TAMM41: variants seen among roughly 807,000 people sequenced by gnomAD.
TAMM41 encodes TAM41 mitochondrial translocator assembly and maintenance homolog.
A neutral mutation model predicts 44.1 loss-of-function variants in TAMM41; 36 were observed. That is an observed-to-expected ratio of 0.82 (90% CI 0.63 to 1.08). TAMM41 has a LOEUF of 1.08. TAMM41 is among the 50% of genes least tolerant of loss of function. The probability of loss-of-function intolerance (pLI) is 0.00; values close to 1 mark genes in which losing one functional copy is unlikely to be tolerated. For missense variants in TAMM41, 417 were observed against 404.3 expected, an observed-to-expected ratio of 1.03 and a Z score of -0.27; for synonymous variants, 164 against 153.1, an observed-to-expected ratio of 1.07 and a Z score of -0.53.
intron 2 of TAMM41, among the ~76,000 whole-genome samples, chr3:11,840,016 G>C (rs1286308093): frequency 6.6e-6 from 1 of 151,916 alleles, no homozygotes; most frequent in Non-Finnish European, 1.5e-5. Flanking sequence ...AATTGGTCCT[G>C]TTGCCCCTCC....
chr3:11,805,090 GC>G lies in TAMM41; in HGVS notation c.937+2742del, dbSNP rs1456660764. On this transcript the variant is annotated intron_variant, in intron 7 of 7. Coordinates refer to ENST00000455809, the MANE Select transcript of TAMM41 (RefSeq NM_001284401.2). ...ACAATCTTGGCTCACTGCAACTTCCGCCTCCCAGGTTCAAGCAATTCTCCTG... is the reference window on the plus strand; with the variant it reads ...ACAATCTTGGCTCACTGCAACTTCCGCTCCCAGGTTCAAGCAATTCTCCTG... Among the ~76,000 whole-genome samples the G allele has an allele frequency of 3.8e-5, 5 of 132,024 alleles. No individual in the cohort carries two copies. The East Asian group carries it at 1.2e-3, about 31-fold the overall frequency. The allele number at this position is 132,024 out of a possible 152,430, so 86.6% of individuals were successfully genotyped here. A position where few individuals can be genotyped will look rare whatever the true frequency, so the allele number is the denominator to read the frequency against.
chr3:11,788,160 G>C (rs539216379), downstream of TAMM41, among the ~76,000 whole-genome samples: 5 of 152,296 alleles, frequency 3.3e-5, no homozygotes, highest in East Asian at 1.9e-4. Context: ...AGTGACCCTG[G>C]TGTTCTGTGC....
At chr3:11,723,549 C>T in the TAMM41 span, among the ~76,000 whole-genome samples, 1 of 149,860 alleles carries the variant, frequency 6.7e-6, no homozygotes, top group Non-Finnish European at 1.5e-5. Flanking sequence ...CCACTACATT[C>T]CAGCCTGGGT....
chr3:11,826,886 G>A (rs1001119743), intron 4 of TAMM41: 2 of 152,140 alleles, frequency 1.3e-5, no homozygotes, highest in Non-Finnish European at 2.9e-5. Context: ...TTAAAGTATT[G>A]AGAGTAGTCC....
At chr3:11,829,048 G>A (rs895412892) in intron 4 of TAMM41, among the ~76,000 whole-genome samples, 3 of 152,036 alleles carry the variant, frequency 2.0e-5, no homozygotes, top group Admixed American at 6.6e-5. Context: ...TTGCAGCGAG[G>A]GTGAGTGGCC....
At chr3:11,782,373 C>A in the TAMM41 span, among the ~76,000 whole-genome samples, 1 of 151,914 alleles carries the variant, frequency 6.6e-6, no homozygotes, top group African/African-American at 2.4e-5. Context: ...TGGTGAAACC[C>A]CATCTCTACT....
intron 1 of TAMM41, 105 bp from the exon 2 acceptor site, chr3:11,844,316 GA>G: frequency 9.3e-7 from 1 of 1,071,468 alleles, no homozygotes; most frequent in Non-Finnish European, 1.3e-6. Context: ...TCAATAGTCA[GA>G]AGGCCTGGTG....
chr3:11,835,039 A>G (rs1252714618), intron 3 of TAMM41, among the ~76,000 whole-genome samples: 2 of 152,192 alleles, frequency 1.3e-5, no homozygotes, highest in African/African-American at 4.8e-5. Flanking sequence ...TTCTATTTCA[A>G]TTTGCAAGAT....
chr3:11,813,170 G>A (rs2078144209), intron 5 of TAMM41, among the ~76,000 whole-genome samples: 1 of 152,146 alleles, frequency 6.6e-6, no homozygotes, highest in Non-Finnish European at 1.5e-5. Context: ...CTGTCCTCTA[G>A]CCAGAGAATA....
At chr3:11,830,150 C>T (rs768677589) in intron 3 of TAMM41, among the ~76,000 whole-genome samples, 1 of 152,088 alleles carries the variant, frequency 6.6e-6, no homozygotes, top group Non-Finnish European at 1.5e-5. Flanking sequence ...GAGCAAAAGT[C>T]CTTTGGAAAC....
intron 4 of TAMM41, among the ~76,000 whole-genome samples, chr3:11,822,290 A>G (rs941047520): frequency 2.0e-5 from 3 of 152,188 alleles, no homozygotes; most frequent in African/African-American, 7.2e-5. Flanking sequence ...ATTCATTTTC[A>G]TGACTGTTTT....
intron 7 of TAMM41, among the ~76,000 whole-genome samples, chr3:11,806,738 G>A (rs1190781178): frequency 2.0e-5 from 3 of 152,040 alleles, no homozygotes; most frequent in Non-Finnish European, 2.9e-5. Flanking sequence ...AACAGAAAGG[G>A]CAATGAATTC....
the TAMM41 span, among the ~76,000 whole-genome samples, chr3:11,738,571 C>T: frequency 1.1e-4 from 17 of 152,196 alleles, no homozygotes; most frequent in East Asian, 2.5e-3. Flanking sequence ...GAGTACCCAC[C>T]GACCTTTTAG....
chr3:11,797,312 G>C (rs556952305), intron 7 of TAMM41, among the ~76,000 whole-genome samples: 3 of 152,136 alleles, frequency 2.0e-5, no homozygotes, highest in African/African-American at 4.8e-5. Context: ...TAGACCAATG[G>C]AACAGAACAG....
the TAMM41 span, among the ~76,000 whole-genome samples, chr3:11,748,959 G>A: frequency 6.8e-6 from 1 of 146,326 alleles, no homozygotes; most frequent in South Asian, 2.2e-4. Flanking sequence ...GTCACCCAGG[G>A]TGGAGTGCAG....
At chr3:11,787,991 G>C (rs776990955), downstream of TAMM41, among the ~76,000 whole-genome samples, 2 of 152,184 alleles carry the variant, frequency 1.3e-5, no homozygotes, top group Non-Finnish European at 2.9e-5. Context: ...GGAACACAAA[G>C]ACACAAGTAT....
chr3:11,846,152 G>C (rs564102778), intron 1 of TAMM41, among the ~76,000 whole-genome samples: 22 of 152,344 alleles, frequency 1.4e-4, no homozygotes, highest in African/African-American at 4.6e-4. Flanking sequence ...CCGAGCATTA[G>C]GATTTTCTTA....
chr3:11,760,015 C>T, the TAMM41 span, among the ~76,000 whole-genome samples: 2 of 152,000 alleles, frequency 1.3e-5, no homozygotes, highest in Non-Finnish European at 2.9e-5. Flanking sequence ...AGAAAACGTT[C>T]CTGAGTAGAA....
chr3:11,763,349 C>T, the TAMM41 span, among the ~76,000 whole-genome samples: 30 of 152,260 alleles, frequency 2.0e-4, no homozygotes, highest in African/African-American at 7.2e-4. Flanking sequence ...ACTATTTTGC[C>T]CAGGCTGGTC....
Sources: allele counts gnomAD v4.1 joint callset (sites outside exome capture counted in the v4.1 genomes callset), GRCh38; gene constraint gnomAD v4.1.1; transcripts MANE v1.5; gene names NCBI Gene and HGNC (gene_info 2026-07-23, HGNC 2026-07-21).